IQCH: variants seen among roughly 807,000 people sequenced by gnomAD.
IQCH encodes IQ domain-containing protein H.
In IQCH, 98 loss-of-function variants were observed where a neutral mutation model predicts 117.0. The ratio of observed to expected loss-of-function variants is 0.84; its 90% confidence interval spans 0.71 to 0.99. IQCH has a LOEUF of 0.99. IQCH is among the 50% of genes least tolerant of loss of function. The pLI is 0.00. For missense variants in IQCH, 1,102 were observed against 1,243.8 expected, an observed-to-expected ratio of 0.89 and a Z score of 1.72; for synonymous variants, 412 against 448.2, an observed-to-expected ratio of 0.92 and a Z score of 1.02.
chr15:67,440,451 T>C (rs1290203044), intron 16 of IQCH, among the ~76,000 whole-genome samples: 1 of 152,182 alleles, frequency 6.6e-6, no homozygotes, highest in African/African-American at 2.4e-5. Flanking sequence ...TTGATGAACA[T>C]TGATGCTAAA....
chr15:67,351,206 C>T (rs898103055), intron 6 of IQCH, among the ~76,000 whole-genome samples: 2 of 152,160 alleles, frequency 1.3e-5, no homozygotes, highest in African/African-American at 4.8e-5. Context: ...GATCTGCACG[C>T]ATTAGGTATT....
At chr15:67,327,066 A>T (rs1968444799) in intron 4 of IQCH, among the ~76,000 whole-genome samples, 2 of 152,180 alleles carry the variant, frequency 1.3e-5, no homozygotes, top group South Asian at 2.1e-4. Flanking sequence ...TATTTTTCAG[A>T]TTTCTATTTA....
rs1198909904 is a variant in IQCH, at chr15:67,422,321, G to T, written c.2505+744G>T. Among the ~76,000 whole-genome samples, 1 of 152,004 alleles carries T rather than the reference G, an allele frequency of 6.6e-6. No homozygotes were observed. Among genetic ancestry groups the T allele is most frequent in the Non-Finnish European group, 1.5e-5 (1 of 68,002 alleles). On this transcript the variant is annotated intron_variant, in intron 16 of 20. Transcript: ENST00000335894. This position sits in a 1 kb window ranked among gnomAD's most constrained non-coding sequence, Gnocchi z 4.7. ...GTTCCTTTTCTTATCAGACAACTTA[G>T]ATTGTCTCATTTTTTTCTTTAAAAA...
At chr15:67,347,827 A>G (rs1969469912) in intron 6 of IQCH, among the ~76,000 whole-genome samples, 2 of 113,970 alleles carry the variant, frequency 1.8e-5, no homozygotes, top group Non-Finnish European at 4.0e-5. Context: ...ATATATTTAT[A>G]TATAGATATA....
At chr15:67,372,691 G>A (rs766577627) in intron 9 of IQCH, 29 bp downstream of exon 9, 8 of 1,546,668 alleles carry the variant, frequency 5.2e-6, no homozygotes, top group Admixed American at 4.1e-5. Context: ...TGTTAAGGCA[G>A]ACCTCTTTTT....
At chr15:67,418,004 CTAAGTA>C (rs2081619382) in intron 15 of IQCH, among the ~76,000 whole-genome samples, 1 of 152,148 alleles carries the variant, frequency 6.6e-6, no homozygotes, top group South Asian at 2.1e-4. Context: ...AGGCACTCTT[CTAAGTA>C]TATCTATGTT....
intron 6 of IQCH, among the ~76,000 whole-genome samples, chr15:67,346,911 A>G (rs1361788853): frequency 6.6e-6 from 1 of 152,124 alleles, no homozygotes. Context: ...ATGCAAAAAC[A>G]CACTTCTAAA....
At chr15:67,257,317 CAAG>C (rs1363810459) in intron 1 of IQCH, among the ~76,000 whole-genome samples, 3 of 152,148 alleles carry the variant, frequency 2.0e-5, no homozygotes, top group African/African-American at 7.2e-5. Flanking sequence ...TTGTTTCTGG[CAAG>C]TCAGTGACTG....
chr15:67,297,622 A>G (rs1158485636), intron 4 of IQCH, among the ~76,000 whole-genome samples: 2 of 152,144 alleles, frequency 1.3e-5, no homozygotes, highest in Non-Finnish European at 2.9e-5. Flanking sequence ...ATTCACTAAT[A>G]TTGTATAATT....
intron 4 of IQCH, among the ~76,000 whole-genome samples, chr15:67,313,781 G>A (rs1967714854): frequency 6.6e-6 from 1 of 152,174 alleles, no homozygotes; most frequent in African/African-American, 2.4e-5. Flanking sequence ...GACAGCTTCT[G>A]AAATTAGATC....
At chr15:67,414,683 A>T (rs2081533176) in intron 14 of IQCH, among the ~76,000 whole-genome samples, 1 of 148,918 alleles carries the variant, frequency 6.7e-6, no homozygotes, top group Non-Finnish European at 1.5e-5. Flanking sequence ...TATATAATAT[A>T]ATATATATAT....
In IQCH at chr15:67,459,361, G is replaced by A. The variant is rs2082735132; in HGVS notation, c.2506-5766G>A. On this transcript the variant is annotated intron_variant, in intron 16 of 20. Transcript: ENST00000335894. This position sits in a 1 kb window ranked among gnomAD's most constrained non-coding sequence, Gnocchi z 4.2. ...CCCTGATGCCCATAGGAGAAGGGTG[G>A]CAAGAGGCAACACTAAACCCTTTGC... 2.0e-5 allele frequency among the ~76,000 whole-genome samples: 3 copies of A among 152,144 alleles called. No individual in the cohort carries two copies.
chr15:67,339,056 A>G (rs1206132958), intron 5 of IQCH, among the ~76,000 whole-genome samples: 1 of 152,208 alleles, frequency 6.6e-6, no homozygotes, highest in South Asian at 2.1e-4. Flanking sequence ...AAATCTATTT[A>G]ATATCTTCTT....
In IQCH at chr15:67,357,336, C is replaced by T. The variant is rs756245638; in HGVS notation, c.638-9C>T. ...TGGAAAAGGTAACATGTACTATCTT[C>T]ATCCACAGCCACTTTCACTATACCT... On this transcript the variant is annotated splice_polypyrimidine_tract_variant and intron_variant, in intron 6 of 20. Transcript: ENST00000335894. 1.9e-6 allele frequency: 3 copies of T among 1,585,822 alleles called. No individual in the cohort carries two copies. Among genetic ancestry groups the T allele is most frequent in the Non-Finnish European group, 2.6e-6 (3 of 1,154,132 alleles).
chr15:67,383,257 A>G (rs545863870), intron 10 of IQCH, among the ~76,000 whole-genome samples: 1 of 152,310 alleles, frequency 6.6e-6, no homozygotes, highest in South Asian at 2.1e-4. Flanking sequence ...CAAGATTAGC[A>G]TACACTTCTT....
intron 10 of IQCH, among the ~76,000 whole-genome samples, chr15:67,382,109 G>A (rs550935812): frequency 6.6e-6 from 1 of 152,324 alleles, no homozygotes; most frequent in Admixed American, 6.5e-5. Context: ...GAGCTAGAGT[G>A]ATGCAGGGGA....
intron 4 of IQCH, among the ~76,000 whole-genome samples, chr15:67,308,235 C>G (rs1967402246): frequency 6.6e-6 from 1 of 152,140 alleles, no homozygotes; most frequent in Non-Finnish European, 1.5e-5. Context: ...TTTCCAAAAA[C>G]AGATGTGGGT....
intron 16 of IQCH, among the ~76,000 whole-genome samples, chr15:67,439,209 T>C (rs2082207046): frequency 6.6e-6 from 1 of 152,130 alleles, no homozygotes; most frequent in Non-Finnish European, 1.5e-5. Flanking sequence ...TCAAGCACTC[T>C]CTCAGACCAC....
At position 67,465,921 on chromosome 15, in the gene IQCH, C is replaced by G. The variant is rs1368557562; in HGVS notation, c.2676+624C>G. 4.6e-5 allele frequency among the ~76,000 whole-genome samples: 7 copies of G among 152,218 alleles called. No individual in the cohort carries two copies. Among genetic ancestry groups the G allele is most frequent in the African/African-American group, 7.2e-5 (3 of 41,452 alleles). Reference sequence around the variant, plus strand: ...ACACCTGTATTCCTCCTAAGATTCCCTGTCCCTGCCTGTGCCCTCAGCCTA... The same window carrying G: ...ACACCTGTATTCCTCCTAAGATTCCGTGTCCCTGCCTGTGCCCTCAGCCTA... On this transcript the variant is annotated intron_variant, in intron 17 of 20. Coordinates refer to ENST00000335894, the MANE Select transcript of IQCH (RefSeq NM_001031715.3). The surrounding 1 kb of genome is among the most constrained non-coding windows in gnomAD (Gnocchi z 5.9).
Sources: gnomAD v4.1 joint callset for allele counts (sites outside exome capture counted in the v4.1 genomes callset) on GRCh38, gnomAD v4.1.1 for gene constraint, Gnocchi (gnomAD v3.1) non-coding constraint, MANE v1.5 for transcripts, NCBI Gene and HGNC (gene_info 2026-07-23, HGNC 2026-07-21) for gene names.